MGST1: variants seen among roughly 807,000 people sequenced by gnomAD.
MGST1 encodes microsomal glutathione S-transferase 1, also known as glutathione S-transferase 12.
Under a neutral mutation model 8.9 loss-of-function variants are expected in MGST1, and 5 were observed. That is an observed-to-expected ratio of 0.56 (90% CI 0.29 to 1.19). MGST1 has a LOEUF of 1.19. MGST1 is among the 50% of genes most tolerant of loss of function. The pLI is 0.08. For missense variants in MGST1, 182 were observed against 187.4 expected, an observed-to-expected ratio of 0.97 and a Z score of 0.17; for synonymous variants, 54 against 67.8, an observed-to-expected ratio of 0.80 and a Z score of 1.00.
chr12:16,355,301 T>C (rs935648074), intron 2 of MGST1, among the ~76,000 whole-genome samples: 2 of 151,196 alleles, frequency 1.3e-5, no homozygotes, highest in Non-Finnish European at 2.9e-5. Context: ...CTCTGCCTCC[T>C]GGGTTCAAGT....
At chr12:16,398,854 GT>G (rs1207921412) in intron 1 of MGST1, among the ~76,000 whole-genome samples, 1 of 152,180 alleles carries the variant, frequency 6.6e-6, no homozygotes, top group African/African-American at 2.4e-5. Context: ...TGGCAATAGG[GT>G]AGGTTGGAGG....
intron 4 of MGST1, among the ~76,000 whole-genome samples, chr12:16,459,071 T>C (rs1335689074): frequency 6.6e-6 from 1 of 152,138 alleles, no homozygotes; most frequent in African/African-American, 2.4e-5. Flanking sequence ...AACTTTATGA[T>C]AGACAGGACA....
At chr12:16,400,468 T>C (rs1344770691) in intron 1 of MGST1, 2 of 798,748 alleles carry the variant, frequency 2.5e-6, no homozygotes, top group East Asian at 2.4e-5. Context: ...CCAGTTTAGA[T>C]TGATCACCAG....
intron 4 of MGST1, among the ~76,000 whole-genome samples, chr12:16,509,940 C>G (rs537282833): frequency 2.7e-3 from 410 of 152,286 alleles, no homozygotes; most frequent in Non-Finnish European, 4.6e-3. Flanking sequence ...TTCAGACAAG[C>G]TAATATAGCT....
intron 4 of MGST1, among the ~76,000 whole-genome samples, chr12:16,492,486 C>T (rs932748521): frequency 8.5e-5 from 13 of 152,242 alleles, no homozygotes; most frequent in Admixed American, 7.2e-4. Flanking sequence ...ATCTTTTAGT[C>T]ACATTAAATC....
chr12:16,467,683 T>G (rs976087463), intron 4 of MGST1, among the ~76,000 whole-genome samples: 4 of 152,240 alleles, frequency 2.6e-5, no homozygotes, highest in Non-Finnish European at 4.4e-5. Context: ...GTGTTTAAAA[T>G]ATGACTTTAC....
intron 3 of MGST1, among the ~76,000 whole-genome samples, chr12:16,375,476 A>C (rs1385250792): frequency 2.6e-5 from 4 of 152,128 alleles, no homozygotes; most frequent in Non-Finnish European, 5.9e-5. Context: ...TGGTCTTAAA[A>C]TGTAACAATT....
At chr12:16,386,696 G>C (rs1490705254) in intron 1 of MGST1, among the ~76,000 whole-genome samples, 1 of 152,174 alleles carries the variant, frequency 6.6e-6, no homozygotes, top group African/African-American at 2.4e-5. Context: ...GTGTACAGTA[G>C]GCCCCCTTTG....
intron 4 of MGST1, among the ~76,000 whole-genome samples, chr12:16,476,831 C>T (rs143419930): frequency 6.6e-5 from 10 of 152,162 alleles, no homozygotes; most frequent in African/African-American, 2.2e-4. Flanking sequence ...TCGAGGTAAT[C>T]GACTGAAATA....
rs1941514882 is a variant in MGST1, at chr12:16,503,031, A to G, written n.483-86497A>G. On this transcript the variant is annotated intron_variant and non_coding_transcript_variant, in intron 4 of 4. Transcript: ENST00000538857. This position sits in a 1 kb window ranked among gnomAD's most constrained non-coding sequence, Gnocchi z 4.8. ...AGAGCAGTATGACATTAGGAGTAGA[A>G]TATGAATGACAAGTCAAATACAATC... Among the ~76,000 whole-genome samples the G allele has an allele frequency of 1.3e-5, 2 of 152,158 alleles. No homozygotes were observed. The highest frequency in any genetic ancestry group is 4.8e-5 in the African/African-American group (2 of 41,436).
At chr12:16,366,664 CAT>C (rs1368897813), downstream of MGST1, among the ~76,000 whole-genome samples, 481 of 29,094 alleles carry the variant, frequency 0.017, 2 homozygotes, top group East Asian at 0.12. This position sits in a 1 kb window ranked among gnomAD's most constrained non-coding sequence, Gnocchi z 4.0. Context: ...CACACACACA[CAT>C]ACACACACAC....
intron 4 of MGST1, among the ~76,000 whole-genome samples, chr12:16,562,026 T>C (rs1942425738): frequency 6.6e-6 from 1 of 152,326 alleles, no homozygotes; most frequent in Admixed American, 6.5e-5. Context: ...ATAACCCAAG[T>C]AACCTTCATG....
At chr12:16,365,407 T>C (rs1037499804), downstream of MGST1, among the ~76,000 whole-genome samples, 1 of 152,196 alleles carries the variant, frequency 6.6e-6, no homozygotes, top group African/African-American at 2.4e-5. Flanking sequence ...TAATTTTAAA[T>C]ATGTATTTCT....
At chr12:16,536,914 C>A (rs1216164089) in intron 4 of MGST1, among the ~76,000 whole-genome samples, 1 of 152,144 alleles carries the variant, frequency 6.6e-6, no homozygotes, top group East Asian at 1.9e-4. Context: ...TATCATTTCA[C>A]CCTTAGCCCC....
intron 4 of MGST1, among the ~76,000 whole-genome samples, chr12:16,551,732 G>A (rs1483820957): frequency 6.6e-6 from 1 of 151,644 alleles, no homozygotes. Context: ...TGGCCATTTA[G>A]GCACTTAATA....
chr12:16,398,383 G>C (rs1199751335), intron 1 of MGST1, among the ~76,000 whole-genome samples: 2 of 152,196 alleles, frequency 1.3e-5, no homozygotes, highest in East Asian at 3.9e-4. Flanking sequence ...CAGCAGTGCT[G>C]AGAGGCTGTG....
At chr12:16,462,615 AT>A (rs1430359843) in intron 4 of MGST1, among the ~76,000 whole-genome samples, 1 of 152,126 alleles carries the variant, frequency 6.6e-6, no homozygotes, top group African/African-American at 2.4e-5. Flanking sequence ...TGAAGTCACA[AT>A]TTTTGCTGAG....
Position 16,401,831 on chromosome 12 carries a change from G to A in MGST1, n.778+18227G>A. 1 of 1,604,776 alleles carries A rather than the reference G, an allele frequency of 6.2e-7. No individual in the cohort carries two copies. The highest frequency in any genetic ancestry group is 8.5e-7 in the Non-Finnish European group (1 of 1,171,498). ...CTATTTCCATGACTCTTTCCTTGAA[G>A]AATTTGTTGAAGACTTCAGAAGTGA... On this transcript the variant is annotated intron_variant and non_coding_transcript_variant, in intron 1 of 1. Coordinates refer to the MGST1 transcript ENST00000359720. The surrounding 1 kb of genome is among the most constrained non-coding windows in gnomAD (Gnocchi z 4.3).
chr12:16,388,417 C>G lies in MGST1; in HGVS notation n.778+4813C>G, dbSNP rs1372805983. Among the ~76,000 whole-genome samples, 3 of 152,072 alleles carry G rather than the reference C, an allele frequency of 2.0e-5. No homozygotes were observed. In the East Asian group the frequency reaches 5.8e-4, roughly 30 times the overall value. ...TACTTGTTTGCTTTTCTATGACTTG[C>G]AACCCAGTGGGTTGGTTTACACCAG... On this transcript the variant is annotated intron_variant and non_coding_transcript_variant, in intron 1 of 1. Transcript: ENST00000359720.
Sources: gnomAD v4.1 joint callset for allele counts (sites outside exome capture counted in the v4.1 genomes callset) on GRCh38, gnomAD v4.1.1 for gene constraint, Gnocchi (gnomAD v3.1) non-coding constraint, MANE v1.5 for transcripts, NCBI Gene and HGNC (gene_info 2026-07-23, HGNC 2026-07-21) for gene names.